The following SLC14A1 variants were observed in gnomAD, a reference collection of about 807,000 sequenced individuals.
SLC14A1 encodes the protein urea transporter 1.
SLC14A1 carries 36 observed loss-of-function variants against 39.6 expected under a neutral mutation model. That is an observed-to-expected ratio of 0.91 (90% confidence interval 0.70 to 1.20). The LOEUF (loss-of-function observed/expected upper bound fraction) is 1.20. Ranked by LOEUF, SLC14A1 falls within the 50% of genes most tolerant of loss-of-function variation. The pLI, the probability that SLC14A1 is intolerant of heterozygous loss-of-function variation, is 0.00. For missense variants in SLC14A1, 469 were observed against 478.7 expected, an observed-to-expected ratio of 0.98 and a Z score of 0.19; for synonymous variants, 164 against 173.6, an observed-to-expected ratio of 0.94 and a Z score of 0.43.
intron 3 of SLC14A1, 50 bp from the exon 4 acceptor site, chr18:45,730,965 G>A: frequency 4.5e-6 from 7 of 1,547,094 alleles, no homozygotes; most frequent in Non-Finnish European, 5.4e-6. Context: ...TGTGGTTGAA[G>A]AGTATCACTT....
At chr18:45,741,767 C>T (rs2047383859) in intron 8 of SLC14A1, among the ~76,000 whole-genome samples, 1 of 152,172 alleles carries the variant, frequency 6.6e-6, no homozygotes, top group South Asian at 2.1e-4. Context: ...AATGTTTATC[C>T]TACAACCTTT....
intron 8 of SLC14A1, among the ~76,000 whole-genome samples, chr18:45,741,905 C>A (rs958911721): frequency 2.4e-4 from 37 of 152,268 alleles, no homozygotes; most frequent in African/African-American, 8.4e-4. Flanking sequence ...GGGATGCATA[C>A]CTTTATTTTT....
At chr18:45,729,934 C>T (rs536287564) in intron 2 of SLC14A1, 1 of 170,128 alleles carries the variant, frequency 5.9e-6, no homozygotes, top group South Asian at 1.8e-4. Flanking sequence ...TACTTAATTT[C>T]AGCTCTTTCT....
intron 2 of SLC14A1, chr18:45,727,097 T>A: frequency 1.6e-6 from 1 of 613,780 alleles, no homozygotes; most frequent in Non-Finnish European, 2.9e-6. Context: ...GAAGGCAAAG[T>A]CCTCCTTCTT....
chr18:45,743,922 T>G (rs1273072984), intron 8 of SLC14A1, among the ~76,000 whole-genome samples: 1 of 152,216 alleles, frequency 6.6e-6, no homozygotes, highest in African/African-American at 2.4e-5. Flanking sequence ...TTGTCGTAAG[T>G]ATAAGTTTTT....
intron 2 of SLC14A1, chr18:45,727,030 G>T (rs960601050): frequency 8.5e-6 from 4 of 469,334 alleles, no homozygotes; most frequent in South Asian, 2.6e-5. Context: ...CAAAGTAAAT[G>T]AACATCAAAT....
chr18:45,731,419 A>T lies in SLC14A1; in HGVS notation c.341+215A>T. ...AAATGGCTGGTCTAAATGATGCCAGATTCTTGTGGCATTACGTGCTAACCA... is the reference window on the plus strand; with the variant it reads ...AAATGGCTGGTCTAAATGATGCCAGTTTCTTGTGGCATTACGTGCTAACCA... On this transcript the variant is annotated intron_variant, in intron 4 of 9. Coordinates refer to ENST00000321925, the MANE Select transcript of SLC14A1 (RefSeq NM_015865.7). 4.9e-6 allele frequency: 3 copies of T among 609,018 alleles called. No homozygotes were observed. In the East Asian group the frequency reaches 8.7e-5, roughly 18 times the overall value. 37.7% of individuals were successfully genotyped at this position (609,018 alleles called of 1,614,324 possible). A position where few individuals can be genotyped will look rare whatever the true frequency, so the allele number is the denominator to read the frequency against.
At chr18:45,746,110 G>C (rs1309827885) in intron 8 of SLC14A1, among the ~76,000 whole-genome samples, 1 of 152,218 alleles carries the variant, frequency 6.6e-6, no homozygotes, top group Non-Finnish European at 1.5e-5. Flanking sequence ...CAATGTTGTT[G>C]TTTTACCAGT....
chr18:45,739,800 C>G, intron 8 of SLC14A1, 138 bp downstream of exon 8: 1 of 1,088,176 alleles, frequency 9.2e-7, no homozygotes, highest in South Asian at 1.3e-5. Context: ...AGTGTGTGAA[C>G]AGGACAAGTG....
At chr18:45,733,266 G>A (rs1599265614) in intron 4 of SLC14A1, among the ~76,000 whole-genome samples, 1 of 152,152 alleles carries the variant, frequency 6.6e-6, no homozygotes. Context: ...AGAAGACGGG[G>A]AAGAAATGAG....
chr18:45,730,921 C>T (rs1388111331), intron 3 of SLC14A1, 94 bp from the exon 4 acceptor site: 3 of 1,043,474 alleles, frequency 2.9e-6, no homozygotes, highest in African/African-American at 3.1e-5. Flanking sequence ...GTTTCACTTC[C>T]AGGAGGTTTT....
rs772619633 is a variant in SLC14A1, at chr18:45,751,467, C to A, written c.*1516C>A. 4.5e-4 allele frequency: 445 copies of A among 984,776 alleles called. No individual in the cohort carries two copies. The highest frequency in any genetic ancestry group is 1.4e-3 in the South Asian group (30 of 21,264). 61.0% of individuals were successfully genotyped at this position (984,776 alleles called of 1,614,324 possible). A position where few individuals can be genotyped will look rare whatever the true frequency, so the allele number is the denominator to read the frequency against. ...ATCAGTTCCGTAAAGTCTCTGTAAC[C>A]AAACATACTGAAGACAGCAACAGAA... On this transcript the variant is annotated 3_prime_UTR_variant, in exon 10 of 10. Transcript: ENST00000321925.
chr18:45,727,237 T>G (rs2046889987), intron 2 of SLC14A1: 4 of 1,549,932 alleles, frequency 2.6e-6, no homozygotes, highest in African/African-American at 1.4e-5. Flanking sequence ...ATTCACATAT[T>G]TTTGCCCTTT....
Position 45,752,155 on chromosome 18 carries a change from T to G in SLC14A1, c.*2204T>G. On this transcript the variant is annotated 3_prime_UTR_variant, in exon 10 of 10. Coordinates refer to ENST00000321925, the MANE Select transcript of SLC14A1 (RefSeq NM_015865.7). ...GTGGAGAAGCTCAATTTTCAGTGTT[T>G]GAACTGAACCCTTTCTTGTTAGGGA... 8 of 985,318 alleles carry G rather than the reference T, an allele frequency of 8.1e-6. No individual in the cohort carries two copies. Among genetic ancestry groups the G allele is most frequent in the Non-Finnish European group, 9.6e-6 (8 of 829,868 alleles). 61.0% of individuals were successfully genotyped at this position (985,318 alleles called of 1,614,324 possible).
intron 4 of SLC14A1, among the ~76,000 whole-genome samples, chr18:45,732,905 G>A (rs540536897): frequency 2.0e-5 from 3 of 152,264 alleles, no homozygotes; most frequent in Non-Finnish European, 4.4e-5. Context: ...TATACAACAC[G>A]AACTACTACA....
chr18:45,736,687 C>T, intron 6 of SLC14A1, 39 bp downstream of exon 6: 1 of 1,569,896 alleles, frequency 6.4e-7, no homozygotes. Flanking sequence ...CCTGGCTCTG[C>T]AAGATACGCA....
chr18:45,731,279 G>A, intron 4 of SLC14A1, 75 bp downstream of exon 4: 1 of 1,365,356 alleles, frequency 7.3e-7, no homozygotes, highest in Non-Finnish European at 1.0e-6. Flanking sequence ...GGGCAACAGT[G>A]ATAAAACCAC....
intron 4 of SLC14A1, among the ~76,000 whole-genome samples, chr18:45,732,765 G>T (rs570915137): frequency 3.0e-4 from 46 of 152,260 alleles, no homozygotes; most frequent in African/African-American, 1.1e-3. Context: ...ACAGGCCCTT[G>T]GGAAGTGGAT....
At chr18:45,749,654 A>G in intron 9 of SLC14A1, 124 bp from the exon 10 acceptor site, 1 of 1,104,764 alleles carries the variant, frequency 9.1e-7, no homozygotes. Context: ...CATGCACAGA[A>G]TCCAGAGCAA....
Sources: allele counts gnomAD v4.1 joint callset (sites outside exome capture counted in the v4.1 genomes callset), GRCh38; gene constraint gnomAD v4.1.1; transcripts MANE v1.5; gene names NCBI Gene and HGNC (gene_info 2026-07-23, HGNC 2026-07-21).